The following NUP98 variants were observed in gnomAD, a reference collection of about 807,000 sequenced individuals.
The protein encoded by NUP98 is nuclear pore complex protein Nup98-Nup96.
NUP98 carries 26 observed loss-of-function variants against 191.9 expected under a neutral mutation model. The ratio of observed to expected loss-of-function variants is 0.14; its 90% CI spans 0.10 to 0.19. The LOEUF (loss-of-function observed/expected upper bound fraction) is 0.19, where lower values mean the gene tolerates loss of function less well. Among genes scored for constraint, NUP98 ranks in the 10% least tolerant of loss-of-function variants. NUP98 has a pLI of 1.00. For synonymous variants in NUP98, 808 were observed against 778.4 expected (o/e 1.04, Z -0.63); for missense variants, 1,941 against 2,178.8 (o/e 0.89, Z 2.17).
At chr11:3,762,420 C>T (rs1212078411) in intron 9 of NUP98, among the ~76,000 whole-genome samples, 1 of 152,108 alleles carries the variant, frequency 6.6e-6, no homozygotes, top group Non-Finnish European at 1.5e-5. Context: ...CCGCGCCTGG[C>T]TCTTTTTTAA....
chr11:3,774,516 G>A (rs971180919), intron 5 of NUP98, among the ~76,000 whole-genome samples: 1 of 152,106 alleles, frequency 6.6e-6, no homozygotes, highest in African/African-American at 2.4e-5. Context: ...CTTGAGGTCA[G>A]GAGTTGAAGA....
intron 10 of NUP98, among the ~76,000 whole-genome samples, chr11:3,758,807 G>A (rs959089760): frequency 6.6e-6 from 1 of 152,054 alleles, no homozygotes; most frequent in Non-Finnish European, 1.5e-5. Flanking sequence ...CAGAGACAGA[G>A]ACAGAGAGAG....
rs141149943 is a variant in NUP98 at position 3,722,419 on chromosome 11, G to A, written c.2146+738C>T. 2.5e-3 allele frequency among the ~76,000 whole-genome samples: 386 copies of A among 151,864 alleles called. 1 individual carries two copies. The highest frequency in any genetic ancestry group is 3.7e-3 in the Non-Finnish European group (254 of 67,964). On this transcript the variant is annotated intron_variant, in intron 16 of 32. Coordinates refer to ENST00000324932, the MANE Select transcript of NUP98 (RefSeq NM_016320.5). ...ACCCAGGCTACCTGGGATTCTTACTGTCAAAGTATAAACTTCTTTCCTTAT... is the reference window on the plus strand; with the variant it reads ...ACCCAGGCTACCTGGGATTCTTACTATCAAAGTATAAACTTCTTTCCTTAT...
chr11:3,714,030 A>C, intron 18 of NUP98, 35 bp from the exon 19 acceptor site: 1 of 1,602,072 alleles, frequency 6.2e-7, no homozygotes, highest in Non-Finnish European at 8.5e-7. Flanking sequence ...AACCAATTAA[A>C]GTAAAAGCGC....
intron 7 of NUP98, among the ~76,000 whole-genome samples, 194 bp downstream of exon 7, chr11:3,771,554 G>A (rs1445914870): frequency 6.6e-6 from 1 of 152,126 alleles, no homozygotes; most frequent in Non-Finnish European, 1.5e-5. Flanking sequence ...CTCCTCTGAA[G>A]CATTCCTTAG....
intron 25 of NUP98, among the ~76,000 whole-genome samples, chr11:3,696,044 C>T (rs2078494419): frequency 6.6e-6 from 1 of 151,806 alleles, no homozygotes; most frequent in Admixed American, 6.6e-5. Context: ...ATACAAAAAT[C>T]ACCGGGCGTG....
intron 31 of NUP98, among the ~76,000 whole-genome samples, chr11:3,678,763 T>C (rs978357604): frequency 6.6e-6 from 1 of 152,118 alleles, no homozygotes; most frequent in Non-Finnish European, 1.5e-5. Context: ...TTTATTATAA[T>C]GAGTTTGGTT....
chr11:3,773,238 C>CA (rs1033805659), intron 6 of NUP98, among the ~76,000 whole-genome samples: 6 of 151,940 alleles, frequency 3.9e-5, no homozygotes, highest in African/African-American at 1.2e-4. Flanking sequence ...CTCACCTCTA[C>CA]AAAAAAATTT....
intron 30 of NUP98, 84 bp from the exon 31 acceptor site, chr11:3,679,792 G>A: frequency 7.4e-7 from 1 of 1,354,690 alleles, no homozygotes; most frequent in South Asian, 1.4e-5. Context: ...AAGACAGAAA[G>A]GAAGGAGAAA....
At chr11:3,713,504 ATCCC>A (rs1220713720) in intron 19 of NUP98, among the ~76,000 whole-genome samples, 2 of 152,172 alleles carry the variant, frequency 1.3e-5, no homozygotes, top group Non-Finnish European at 2.9e-5. Context: ...AGACTGCTTG[ATCCC>A]AGGAGTTGGA....
chr11:3,791,571 A>T (rs1341728708), intron 1 of NUP98, among the ~76,000 whole-genome samples: 1 of 146,966 alleles, frequency 6.8e-6, no homozygotes, highest in Admixed American at 6.8e-5. Context: ...AAGGCTGGGC[A>T]TGGTGGCTCA....
intron 12 of NUP98, among the ~76,000 whole-genome samples, chr11:3,742,091 G>C (rs2080304447): frequency 6.6e-6 from 1 of 152,300 alleles, no homozygotes; most frequent in Non-Finnish European, 1.5e-5. Flanking sequence ...AAGGCCTAGA[G>C]AATAATCAGA....
At chr11:3,706,042 G>A (rs1589995846) in intron 21 of NUP98, among the ~76,000 whole-genome samples, 1 of 148,614 alleles carries the variant, frequency 6.7e-6, no homozygotes, top group Non-Finnish European at 1.5e-5. Flanking sequence ...GGTGGTACAC[G>A]CCTGTAATCT....
chr11:3,777,406 A>G (rs994729855), intron 4 of NUP98, among the ~76,000 whole-genome samples: 1 of 152,114 alleles, frequency 6.6e-6, no homozygotes, highest in African/African-American at 2.4e-5. Context: ...GTGGATCACA[A>G]GGTCAGGAGT....
chr11:3,684,670 A>G (rs1326979188), intron 29 of NUP98, among the ~76,000 whole-genome samples: 2 of 151,262 alleles, frequency 1.3e-5, no homozygotes, highest in African/African-American at 4.9e-5. Flanking sequence ...GAAATTGCTT[A>G]AGTCTTAATA....
chr11:3,718,279 T>C (rs1482795616), intron 18 of NUP98, among the ~76,000 whole-genome samples: 2 of 152,206 alleles, frequency 1.3e-5, no homozygotes, highest in Non-Finnish European at 2.9e-5. Flanking sequence ...CTCATGCTTG[T>C]AATCCCAGCA....
At chr11:3,780,653 T>C (rs556750496) in intron 2 of NUP98, among the ~76,000 whole-genome samples, 25 of 152,174 alleles carry the variant, frequency 1.6e-4, no homozygotes, top group African/African-American at 5.5e-4. Flanking sequence ...AAAGAATCCT[T>C]AGCCCAGTGC....
At chr11:3,775,553 A>C (rs1417448772) in intron 5 of NUP98, among the ~76,000 whole-genome samples, 2 of 131,002 alleles carry the variant, frequency 1.5e-5, no homozygotes, top group African/African-American at 6.7e-5. Flanking sequence ...ACAAAATAAC[A>C]AAAAAAAAAA....
intron 11 of NUP98, among the ~76,000 whole-genome samples, chr11:3,746,906 G>T (rs61877595): frequency 0.073 from 10,377 of 142,578 alleles, 389 homozygotes; most frequent in Middle Eastern, 0.11. Flanking sequence ...AGAGCAAAAC[G>T]CAGTCTCAAA....
Sources: allele counts gnomAD v4.1 joint callset (sites outside exome capture counted in the v4.1 genomes callset), GRCh38; gene constraint gnomAD v4.1.1; transcripts MANE v1.5; gene names NCBI Gene and HGNC (gene_info 2026-07-23, HGNC 2026-07-21).